Variants in ASPRV1 observed in about 807,000 individuals in gnomAD.
The protein encoded by ASPRV1 is aspartic peptidase retroviral like 1.
ASPRV1 carries 7 observed loss-of-function variants against 11.0 expected under a neutral mutation model. That is an observed-to-expected ratio of 0.64 (90% CI 0.36 to 1.20). The LOEUF (loss-of-function observed/expected upper bound fraction) is 1.20, where lower values mean the gene tolerates loss of function less well. ASPRV1 is among the 50% of genes most tolerant of loss of function. ASPRV1 has a pLI of 0.02. For synonymous variants in ASPRV1, 136 were observed against 138.4 expected (o/e 0.98, Z 0.12); for missense variants, 299 against 320.0 (o/e 0.93, Z 0.50).
chr2:70,005,282 A>G, the ASPRV1 span, among the ~76,000 whole-genome samples: 1 of 151,602 alleles, frequency 6.6e-6, no homozygotes. Flanking sequence ...CTGGTCTTGA[A>G]CTCCTGGGCT....
the ASPRV1 span, chr2:70,081,303 G>A: frequency 6.6e-6 from 1 of 151,904 alleles, no homozygotes; most frequent in Non-Finnish European, 1.5e-5. Context: ...TTCCATCCTG[G>A]CTAACACAGT....
chr2:69,977,453 A>G, the ASPRV1 span, among the ~76,000 whole-genome samples: 1 of 152,282 alleles, frequency 6.6e-6, no homozygotes, highest in South Asian at 2.1e-4. Context: ...GATGCTGTCG[A>G]AAGATCACGG....
chr2:69,964,979 A>C (rs567357499), upstream of ASPRV1, among the ~76,000 whole-genome samples: 11 of 152,342 alleles, frequency 7.2e-5, no homozygotes, highest in South Asian at 2.3e-3. Context: ...GACAAGCCCA[A>C]GACTGGGCCC....
the ASPRV1 span, chr2:70,060,112 C>G: frequency 6.6e-6 from 1 of 152,056 alleles, no homozygotes; most frequent in Non-Finnish European, 1.5e-5. Flanking sequence ...GAGACCGAAG[C>G]AGGCGGATCA....
chr2:70,053,763 T>C, the ASPRV1 span: 1 of 150,428 alleles, frequency 6.6e-6, no homozygotes, highest in Non-Finnish European at 1.5e-5. Context: ...CACACTCATG[T>C]ACGCATCTCA....
chr2:70,080,204 A>G, the ASPRV1 span, among the ~76,000 whole-genome samples: 1 of 151,346 alleles, frequency 6.6e-6, no homozygotes, highest in African/African-American at 2.4e-5. Context: ...GTTAGAGAGA[A>G]AGGAGTAGGC....
the ASPRV1 span, among the ~76,000 whole-genome samples, chr2:69,951,759 T>A: frequency 6.6e-6 from 1 of 152,042 alleles, no homozygotes; most frequent in Non-Finnish European, 1.5e-5. Context: ...TTTGGAGTTT[T>A]AGGGGGGTTT....
chr2:70,058,882 C>CCT, the ASPRV1 span, among the ~76,000 whole-genome samples: 5 of 102,258 alleles, frequency 4.9e-5, no homozygotes, highest in Admixed American at 1.3e-4. Context: ...TATTACCCAA[C>CCT]TTTTTTTTTT....
the ASPRV1 span, among the ~76,000 whole-genome samples, chr2:69,982,036 TATCCATCCATCCATCCATCC>T: frequency 3.5e-3 from 525 of 149,144 alleles, 6 homozygotes; most frequent in Admixed American, 0.024. Context: ...CCCTCTCATC[TATCCATCCATCCATCCATCC>T]ATCCATCCAT....
the ASPRV1 span, among the ~76,000 whole-genome samples, chr2:70,020,905 G>A: frequency 6.6e-6 from 1 of 152,128 alleles, no homozygotes; most frequent in African/African-American, 2.4e-5. Flanking sequence ...CAATTTTCAA[G>A]ATGAAAAGAA....
the ASPRV1 span, among the ~76,000 whole-genome samples, chr2:70,067,574 T>C: frequency 1.3e-5 from 2 of 152,222 alleles, no homozygotes; most frequent in African/African-American, 4.8e-5. Flanking sequence ...ATATGCCTGT[T>C]TGTACTAACA....
chr2:70,069,987 T>C, the ASPRV1 span, among the ~76,000 whole-genome samples: 1 of 152,048 alleles, frequency 6.6e-6, no homozygotes, highest in Admixed American at 6.6e-5. Flanking sequence ...CACCTCAGCC[T>C]GGCCAACACG....
At chr2:70,046,467 G>T in the ASPRV1 span, 2 of 152,186 alleles carry the variant, frequency 1.3e-5, no homozygotes, top group Non-Finnish European at 2.9e-5. Context: ...CACAGAAGCA[G>T]ATTATTAAGG....
chr2:70,077,581 C>CA, the ASPRV1 span, among the ~76,000 whole-genome samples: 2 of 152,206 alleles, frequency 1.3e-5, no homozygotes, highest in Non-Finnish European at 2.9e-5. Context: ...CAGCCAGGCA[C>CA]AGTGGCTCAC....
chr2:69,983,763 C>T, the ASPRV1 span, among the ~76,000 whole-genome samples: 1 of 152,190 alleles, frequency 6.6e-6, no homozygotes, highest in Non-Finnish European at 1.5e-5. Context: ...TGTCCAGCAA[C>T]TTCTGCTTCC....
At chr2:70,023,240 AG>A in the ASPRV1 span, among the ~76,000 whole-genome samples, 1 of 152,212 alleles carries the variant, frequency 6.6e-6, no homozygotes, top group Non-Finnish European at 1.5e-5. Context: ...GCAGGAGTTC[AG>A]GTGTCTTGTC....
chr2:70,055,466 G>A, the ASPRV1 span, among the ~76,000 whole-genome samples: 4 of 152,174 alleles, frequency 2.6e-5, no homozygotes, highest in South Asian at 8.3e-4. Flanking sequence ...AAAGCAATGA[G>A]ATCATATCCT....
At chr2:69,937,058 C>T in the ASPRV1 span, 10 of 825,086 alleles carry the variant, frequency 1.2e-5, no homozygotes, top group Admixed American at 1.9e-5. Flanking sequence ...AAGAGTCAGA[C>T]GAAGCCAGGA....
chr2:70,005,258 CTA>C, the ASPRV1 span, among the ~76,000 whole-genome samples: 5 of 152,080 alleles, frequency 3.3e-5, no homozygotes. Context: ...CGGGGTTTCC[CTA>C]TGTTTCCCAG....
Sources: allele counts gnomAD v4.1 joint callset (sites outside exome capture counted in the v4.1 genomes callset), GRCh38; gene constraint gnomAD v4.1.1; transcripts MANE v1.5; gene names NCBI Gene and HGNC (gene_info 2026-07-23, HGNC 2026-07-21).